Variants in EYS observed in about 807,000 individuals in gnomAD.
EYS encodes the protein protein eyes shut homolog.
A neutral mutation model predicts 282.1 loss-of-function variants in EYS; 250 were observed. The ratio of observed to expected loss-of-function variants is 0.89; its 90% CI spans 0.80 to 0.98. The LOEUF is 0.98. Among genes scored for constraint, EYS ranks in the 50% least tolerant of loss-of-function variants. The probability of loss-of-function intolerance (pLI) is 0.00; values close to 1 mark genes in which losing one functional copy is unlikely to be tolerated. For missense variants in EYS, 4,016 were observed against 3,709.0 expected, an observed-to-expected ratio of 1.08 and a Z score of -2.15; for synonymous variants, 1,355 against 1,282.9, an observed-to-expected ratio of 1.06 and a Z score of -1.20.
chr6:63,735,986 C>A (rs1168691493), intron 41 of EYS, among the ~76,000 whole-genome samples: 2 of 152,088 alleles, frequency 1.3e-5, no homozygotes, highest in African/African-American at 4.8e-5. Context: ...TAATGTAGAC[C>A]CGTATCACTA....
chr6:65,335,504 A>G (rs939156581), intron 10 of EYS, among the ~76,000 whole-genome samples: 1 of 151,634 alleles, frequency 6.6e-6, no homozygotes, highest in Non-Finnish European at 1.5e-5. Context: ...GCCTCAAACC[A>G]GTTTCAGCCA....
chr6:65,362,976 A>T (rs1764771870), intron 8 of EYS, among the ~76,000 whole-genome samples: 2 of 152,118 alleles, frequency 1.3e-5, no homozygotes, highest in Admixed American at 1.3e-4. Flanking sequence ...AAGCAGTCTC[A>T]AAGAACCATG....
At chr6:65,585,258 C>T (rs1204293995) in intron 2 of EYS, among the ~76,000 whole-genome samples, 1 of 151,702 alleles carries the variant, frequency 6.6e-6, no homozygotes, top group Non-Finnish European at 1.5e-5. Flanking sequence ...CTGTATTTAC[C>T]AAAGTTATAG....
chr6:64,614,444 T>A (rs1465823133), intron 24 of EYS, among the ~76,000 whole-genome samples: 1 of 151,922 alleles, frequency 6.6e-6, no homozygotes, highest in Non-Finnish European at 1.5e-5. Context: ...CAGACTCAGG[T>A]ATGACAGGGA....
At chr6:64,026,849 C>G (rs1385949344) in intron 33 of EYS, among the ~76,000 whole-genome samples, 1 of 152,148 alleles carries the variant, frequency 6.6e-6, no homozygotes, top group African/African-American at 2.4e-5. Context: ...TTTGGCCCAA[C>G]CCGGGTACAT....
intron 36 of EYS, among the ~76,000 whole-genome samples, chr6:63,858,914 C>A (rs1772461143): frequency 6.6e-6 from 1 of 151,978 alleles, no homozygotes; most frequent in Non-Finnish European, 1.5e-5. Context: ...ATAGAGGTAT[C>A]ATGTCCCTAA....
chr6:65,501,271 C>T (rs903890134), intron 2 of EYS, among the ~76,000 whole-genome samples: 1 of 151,810 alleles, frequency 6.6e-6, no homozygotes, highest in African/African-American at 2.4e-5. Context: ...ATGCAGCCTT[C>T]ATCTCAATTT....
At chr6:64,718,919 A>C (rs1193728863) in intron 22 of EYS, among the ~76,000 whole-genome samples, 1 of 152,226 alleles carries the variant, frequency 6.6e-6, no homozygotes, top group African/African-American at 2.4e-5. Flanking sequence ...GACTTTGCCA[A>C]TGTAATTAAG....
chr6:65,140,792 A>T, intron 12 of EYS, among the ~76,000 whole-genome samples: 1 of 151,856 alleles, frequency 6.6e-6, no homozygotes. Context: ...CCACAATGAG[A>T]TACCATCTCA....
At chr6:64,317,207 C>A (rs1449157864) in intron 29 of EYS, among the ~76,000 whole-genome samples, 3 of 151,856 alleles carry the variant, frequency 2.0e-5, no homozygotes, top group African/African-American at 7.3e-5. Flanking sequence ...CCAAAATAGA[C>A]AAATGACATC....
chr6:64,822,897 A>C (rs1015130454), intron 19 of EYS, 75 bp from the exon 20 acceptor site: 20 of 1,223,602 alleles, frequency 1.6e-5, no homozygotes, highest in East Asian at 1.1e-4. Flanking sequence ...CATTATGGTA[A>C]ACATCACCAA....
chr6:64,661,724 C>G (rs1769030705), intron 22 of EYS, among the ~76,000 whole-genome samples: 1 of 140,962 alleles, frequency 7.1e-6, no homozygotes, highest in Non-Finnish European at 1.5e-5. Flanking sequence ...ATTAAAAAGT[C>G]AGGAAACAAC....
intron 28 of EYS, among the ~76,000 whole-genome samples, chr6:64,389,878 G>C (rs1773050108): frequency 6.6e-6 from 1 of 152,114 alleles, no homozygotes; most frequent in African/African-American, 2.4e-5. Context: ...CATCTCACTA[G>C]GGAGTGCCAG....
intron 28 of EYS, among the ~76,000 whole-genome samples, chr6:64,431,466 A>G (rs1412823539): frequency 6.6e-6 from 1 of 152,122 alleles, no homozygotes; most frequent in Admixed American, 6.6e-5. Context: ...GAGCCCACTA[A>G]TTTAATCCAC....
chr6:64,020,140 T>C (rs1356523101), intron 33 of EYS, among the ~76,000 whole-genome samples: 3 of 152,116 alleles, frequency 2.0e-5, no homozygotes, highest in Non-Finnish European at 4.4e-5. Flanking sequence ...GAATGAATTC[T>C]TGTTTGATAG....
intron 2 of EYS, among the ~76,000 whole-genome samples, chr6:65,558,583 C>T (rs1164033175): frequency 6.6e-6 from 1 of 152,220 alleles, no homozygotes; most frequent in Non-Finnish European, 1.5e-5. Context: ...GTCAAGCCTC[C>T]TCCACTGCAG....
At chr6:65,315,630 C>T (rs1261827263) in intron 11 of EYS, among the ~76,000 whole-genome samples, 1 of 147,704 alleles carries the variant, frequency 6.8e-6, no homozygotes, top group Non-Finnish European at 1.5e-5. Context: ...GTGGTTCATT[C>T]AGTATTACTG....
intron 36 of EYS, among the ~76,000 whole-genome samples, chr6:63,833,892 C>T (rs922419944): frequency 1.1e-4 from 16 of 152,122 alleles, no homozygotes; most frequent in Admixed American, 3.9e-4. Context: ...ACAGAGCCCT[C>T]GGAAATAATA....
At chr6:64,574,651 AC>A (rs1765825787) in intron 26 of EYS, among the ~76,000 whole-genome samples, 1 of 152,168 alleles carries the variant, frequency 6.6e-6, no homozygotes, top group Non-Finnish European at 1.5e-5. Context: ...CACAGTTAAA[AC>A]AAAAATAAAC....
Sources: gnomAD v4.1 joint callset for allele counts (sites outside exome capture counted in the v4.1 genomes callset) on GRCh38, gnomAD v4.1.1 for gene constraint, MANE v1.5 for transcripts, NCBI Gene and HGNC (gene_info 2026-07-23, HGNC 2026-07-21) for gene names.